The following GRHPR variants were observed in gnomAD, a reference collection of about 807,000 sequenced individuals.
The protein encoded by GRHPR is glyoxylate reductase/hydroxypyruvate reductase.
Under a neutral mutation model 36.8 loss-of-function variants are expected in GRHPR, and 35 were observed. The ratio of observed to expected loss-of-function variants is 0.95; its 90% CI spans 0.73 to 1.26. The LOEUF is 1.26. Among genes scored for constraint, GRHPR ranks in the 50% most tolerant of loss-of-function variants. The pLI, the probability that GRHPR is intolerant of heterozygous loss-of-function variation, is 0.00. For synonymous variants in GRHPR, 179 were observed against 181.0 expected, an observed-to-expected ratio of 0.99 and a Z score of 0.09; for missense variants, 380 against 435.0, an observed-to-expected ratio of 0.87 and a Z score of 1.12.
intron 6 of GRHPR, 32 bp from the exon 7 acceptor site, chr9:37,430,479 T>G (rs1483439261): frequency 1.2e-6 from 2 of 1,605,628 alleles, no homozygotes; most frequent in Non-Finnish European, 1.7e-6. Context: ...AGCCTGGGAC[T>G]CAGTGCCTGA....
At chr9:37,429,205 C>A (rs143228503) in intron 5 of GRHPR, 207 of 253,520 alleles carry the variant, frequency 8.2e-4, no homozygotes, top group African/African-American at 4.1e-3. Context: ...TGGAGGAACC[C>A]AACAGCTTTG....
downstream of GRHPR, chr9:37,438,514 C>T (rs1823772313): frequency 6.6e-6 from 1 of 152,360 alleles, no homozygotes; most frequent in East Asian, 1.9e-4. Flanking sequence ...AGATAAGCCC[C>T]AAAAGCAAAG....
At chr9:37,428,454 C>T in intron 4 of GRHPR, 30 bp from the exon 5 acceptor site, 1 of 1,447,934 alleles carries the variant, frequency 6.9e-7, no homozygotes, top group Non-Finnish European at 9.7e-7. Flanking sequence ...CAAGGCTGGG[C>T]CTCTCACCTG....
upstream of GRHPR, chr9:37,422,524 CACA>C (rs778508841): frequency 3.6e-6 from 2 of 561,904 alleles, no homozygotes; most frequent in South Asian, 2.1e-5. Context: ...CGCACCCCCC[CACA>C]CACACACAAG....
Position 37,428,626 on chromosome 9 carries a change from A to C in GRHPR, c.493+54A>C, listed in dbSNP as rs768726104. On this transcript the variant is annotated intron_variant, in intron 5 of 8. Coordinates refer to ENST00000318158, the MANE Select transcript of GRHPR (RefSeq NM_012203.2). ...CCCCGGCTCTCACAGCGTGGTTTGC[A>C]TCCCTGGCACCACGTGTCTGAAGGC... 4.9e-5 allele frequency: 58 copies of C among 1,176,120 alleles called. No individual in the cohort carries two copies. The South Asian group carries it at 7.0e-4, about 14-fold the overall frequency. The allele number at this position is 1,176,120 out of a possible 1,614,324, so 72.9% of individuals were successfully genotyped here.
chr9:37,428,730 C>CA (rs763263606), intron 5 of GRHPR, 158 bp downstream of exon 5: 1 of 706,856 alleles, frequency 1.4e-6, no homozygotes, highest in South Asian at 1.5e-5. Flanking sequence ...TTGTAAAACA[C>CA]AGGCAAATAC....
intron 7 of GRHPR, chr9:37,430,902 C>T (rs773936979): frequency 1.7e-6 from 1 of 599,512 alleles, no homozygotes; most frequent in Non-Finnish European, 3.2e-6. Flanking sequence ...CACACAGCAG[C>T]GTGGCTTCAG....
At chr9:37,432,817 A>AT (rs1823436944) in intron 8 of GRHPR, 1 of 153,984 alleles carries the variant, frequency 6.5e-6, no homozygotes, top group South Asian at 2.0e-4. Flanking sequence ...CAATGCCAAT[A>AT]TAACTCGTGC....
intron 7 of GRHPR, 74 bp from the exon 8 acceptor site, chr9:37,431,934 T>A (rs1823386119): frequency 1.3e-6 from 2 of 1,519,150 alleles, no homozygotes; most frequent in South Asian, 2.3e-5. Flanking sequence ...ATTCATTCTG[T>A]AGGTTGTTCT....
intron 5 of GRHPR, 44 bp from the exon 6 acceptor site, chr9:37,429,688 C>T (rs746800995): frequency 7.8e-7 from 1 of 1,275,740 alleles, no homozygotes; most frequent in Non-Finnish European, 1.1e-6. Flanking sequence ...GTGTCCCTAC[C>T]CTTTGCGGGA....
At position 37,436,571 on chromosome 9, in the gene GRHPR, T is replaced by C; in HGVS notation, c.866-90T>C. 3.5e-6 allele frequency: 5 copies of C among 1,413,152 alleles called. No homozygotes were observed. The South Asian group carries it at 4.6e-5, about 13-fold the overall frequency. The allele number at this position is 1,413,152 out of a possible 1,614,324, so 87.5% of individuals were successfully genotyped here. A position where few individuals can be genotyped will look rare whatever the true frequency, so the allele number is the denominator to read the frequency against. ...TGAGGTAGTCTCTCTTTATTCTTCT[T>C]ACCGGCAAACCCAAGCCATGAAAAC... On this transcript the variant is annotated intron_variant, in intron 8 of 8. Coordinates refer to ENST00000318158, the MANE Select transcript of GRHPR (RefSeq NM_012203.2).
At chr9:37,426,092 A>AT in intron 3 of GRHPR, 98 bp downstream of exon 3, 1 of 840,054 alleles carries the variant, frequency 1.2e-6, no homozygotes, top group Non-Finnish European at 2.1e-6. Flanking sequence ...TCCCTCGGCC[A>AT]TTCAGGGAGA....
At chr9:37,435,242 C>G (rs936763715) in intron 8 of GRHPR, among the ~76,000 whole-genome samples, 1 of 151,726 alleles carries the variant, frequency 6.6e-6, no homozygotes, top group African/African-American at 2.4e-5. Flanking sequence ...AAGCAAGACC[C>G]TGTCTCAAAA....
chr9:37,429,793 C>T lies in GRHPR; in HGVS notation c.555C>T (p.Arg185=). Residue 185 remains arginine (R), a synonymous_variant, in exon 6 of 9, where the codon CGC becomes CGT. Transcript: ENST00000318158. ...TCCAGAGATTTCTGTACACAGGGCG[C>T]CAGCCCAGGCCTGAGGAAGCAGCAG... ...FGVQRFLYTG[R]QPRPEEAAEF... 1 of 1,612,046 alleles carries T rather than the reference C, an allele frequency of 6.2e-7. No individual in the cohort carries two copies. The highest frequency in any genetic ancestry group is 8.5e-7 in the Non-Finnish European group (1 of 1,178,028).
At chr9:37,436,553 G>C (rs923897522) in intron 8 of GRHPR, 108 bp from the exon 9 acceptor site, 34 of 1,180,026 alleles carry the variant, frequency 2.9e-5, no homozygotes, top group Non-Finnish European at 4.3e-5. Context: ...CCATGAGGTA[G>C]TCTCTCTTTA....
chr9:37,426,050 AAG>A, intron 3 of GRHPR, 56 bp downstream of exon 3: 1 of 1,167,284 alleles, frequency 8.6e-7, no homozygotes, highest in Non-Finnish European at 1.3e-6. Flanking sequence ...CTATGAGAGA[AAG>A]AAGAGCTGTT....
At chr9:37,425,019 G>A in intron 2 of GRHPR, 44 bp downstream of exon 2, 1 of 1,594,246 alleles carries the variant, frequency 6.3e-7, no homozygotes, top group Non-Finnish European at 8.6e-7. Flanking sequence ...GCTTGGCCCT[G>A]TGGGCCCCTC....
downstream of GRHPR, chr9:37,437,085 G>A (rs757252032): frequency 4.2e-5 from 16 of 380,638 alleles, no homozygotes; most frequent in South Asian, 6.5e-5. Flanking sequence ...GAGGCTGAGC[G>A]GGAAGGATCC....
rs309456 is a variant in GRHPR at position 37,431,976 on chromosome 9, C to T, written c.735-32C>T. On this transcript the variant is annotated intron_variant, in intron 7 of 8. Coordinates refer to ENST00000318158, the MANE Select transcript of GRHPR (RefSeq NM_012203.2). ...AAGGTGGCCTGGGCGGAGGGATCTT[C>T]GGGGTACCCATGTCACCACTGTCAT... 2,364 of 1,612,930 alleles carry T rather than the reference C, an allele frequency of 1.5e-3. 27 individuals carry two copies. In the African/African-American group the frequency reaches 0.028, roughly 19 times the overall value.
Sources: gnomAD v4.1 joint callset for allele counts (sites outside exome capture counted in the v4.1 genomes callset) on GRCh38, gnomAD v4.1.1 for gene constraint, MANE v1.5 for transcripts, NCBI Gene and HGNC (gene_info 2026-07-23, HGNC 2026-07-21) for gene names.